Variants in TGM5 observed in about 807,000 individuals in gnomAD.
TGM5 encodes the protein transglutaminase 5, also known as protein-glutamine gamma-glutamyltransferase 5.
TGM5 carries 69 observed loss-of-function variants against 77.2 expected under a neutral mutation model. The observed-to-expected ratio is 0.89, with a 90% confidence interval of 0.74 to 1.09. The LOEUF is 1.09. Among genes scored for constraint, TGM5 ranks in the 50% least tolerant of loss-of-function variants. The pLI is 0.00. For synonymous variants in TGM5, 346 were observed against 351.8 expected (o/e 0.98, Z 0.18); for missense variants, 842 against 896.5 (o/e 0.94, Z 0.78).
chr15:43,266,724 C>T, intron 1 of TGM5, 116 bp downstream of exon 1: 1 of 1,373,428 alleles, frequency 7.3e-7, no homozygotes, highest in South Asian at 1.2e-5. Flanking sequence ...TTTCCTGCCT[C>T]AGTTCTGTAT....
intron 1 of TGM5, among the ~76,000 whole-genome samples, chr15:43,264,860 A>G (rs1402920346): frequency 1.3e-5 from 2 of 152,222 alleles, no homozygotes; most frequent in Non-Finnish European, 2.9e-5. Flanking sequence ...TTTATGTTAA[A>G]TCTCTTTGAG....
intron 9 of TGM5, among the ~76,000 whole-genome samples, chr15:43,236,142 A>G (rs926241026): frequency 3.9e-5 from 6 of 152,210 alleles, no homozygotes; most frequent in Non-Finnish European, 8.8e-5. Context: ...AAGTCACACA[A>G]CTAGTAAGGA....
rs2042720385 is a variant in TGM5, at chr15:43,253,467, C to A, written c.684+39G>T. The A allele has an allele frequency of 1.4e-5, 22 of 1,605,958 alleles. No individual in the cohort carries two copies. In the East Asian group the frequency reaches 4.9e-4, roughly 36 times the overall value. ...CTGTGAGTGGGCAGGGCTCCCGCTG[C>A]ACAGCTTCCTCCCTCCCCGGGCACG... On this transcript the variant is annotated intron_variant, in intron 5 of 12. Coordinates refer to ENST00000220420, the MANE Select transcript of TGM5 (RefSeq NM_201631.4).
intron 2 of TGM5, 32 bp from the exon 3 acceptor site, chr15:43,260,329 G>A (rs372813017): frequency 1.2e-6 from 2 of 1,614,020 alleles, no homozygotes; most frequent in Non-Finnish European, 1.7e-6. Flanking sequence ...GGCCCTCCAT[G>A]GCGACCTCCA....
Position 43,235,587 on chromosome 15 carries a change from C to A in TGM5, c.1596G>T (p.Met532Ile). 1 of 1,614,120 alleles carries A rather than the reference C, an allele frequency of 6.2e-7. No homozygotes were observed. The highest frequency in any genetic ancestry group is 8.5e-7 in the Non-Finnish European group (1 of 1,180,018). ...DICFVLLALN[M>I]SSQFKDLKVN... ...CTTTGAGGTCCTTGAACTGGGAGGACATGTTGAGGGCCAGCAGGACAAAGC... is the reference window on the plus strand; with the variant it reads ...CTTTGAGGTCCTTGAACTGGGAGGAAATGTTGAGGGCCAGCAGGACAAAGC... The change falls in exon 10 of 13, where the codon ATG becomes ATT. Residue 532 changes from methionine to isoleucine, a missense_variant. Met to Ile is a conservative substitution (Grantham distance 10). Around this residue, in one of 2 missense-constraint regions of TGM5, gnomAD observed 815 missense variants for 844.6 expected, o/e 0.96. Transcript: ENST00000220420.
chr15:43,233,459 G>C, intron 12 of TGM5, 95 bp downstream of exon 12: 1 of 1,612,250 alleles, frequency 6.2e-7, no homozygotes, highest in Non-Finnish European at 8.5e-7. Context: ...CTTCCCCGGT[G>C]TTGTGGAGTC....
At chr15:43,262,147 C>A (rs1293457467) in intron 1 of TGM5, among the ~76,000 whole-genome samples, 2 of 152,232 alleles carry the variant, frequency 1.3e-5, no homozygotes, top group Non-Finnish European at 2.9e-5. Flanking sequence ...CAATACCTAC[C>A]TGCTCCATGA....
At position 43,256,686 on chromosome 15, in the gene TGM5, T is replaced by C; in HGVS notation, c.437A>G (p.Glu146Gly). The C allele has an allele frequency of 4.4e-6, 7 of 1,608,012 alleles. No homozygotes were observed. Among genetic ancestry groups the C allele is most frequent in the Non-Finnish European group, 6.0e-6 (7 of 1,174,518 alleles). Residue 146 changes from glutamate (E) to glycine (G), a missense_variant and splice_region_variant, in exon 4 of 13, where the codon GAG becomes GGG. Around this residue, in one of 2 missense-constraint regions of TGM5, gnomAD observed 815 missense variants for 844.6 expected, o/e 0.96. Transcript: ENST00000220420. ...FILLFNPWCP[E>G]DAVYLDSEPQ... ...TTCACTGTCCAAGTAGACAGCATCCTCTAGGAACCAGAGTGGGAGGGCACG... is the reference window on the plus strand; with the variant it reads ...TTCACTGTCCAAGTAGACAGCATCCCCTAGGAACCAGAGTGGGAGGGCACG...
In TGM5 at chr15:43,233,682, T is replaced by A. The variant is rs116495228; in HGVS notation, c.1881A>T (p.Leu627=). 6 of 1,614,120 alleles carry A rather than the reference T, an allele frequency of 3.7e-6. No individual in the cohort carries two copies. In the East Asian group the frequency reaches 1.1e-4, roughly 30 times the overall value. The change falls in exon 12 of 13, where the codon CTA becomes CTT. Residue 627 remains leucine, a synonymous_variant. Coordinates refer to ENST00000220420, the MANE Select transcript of TGM5 (RefSeq NM_201631.4). ...LSYPSITINV[L]GAAVVNQPLS... is the part of the protein sequence containing the mutation. ...GTGGCTGGTTCACAACGGCTGCTCC[T>A]AGAACCTAAACAGACCAGGAGGGGA...
At chr15:43,266,362 A>T (rs900437640) in intron 1 of TGM5, among the ~76,000 whole-genome samples, 10 of 152,344 alleles carry the variant, frequency 6.6e-5, no homozygotes, top group East Asian at 3.9e-4. Flanking sequence ...TGGGAAGATT[A>T]GCTAAGATCA....
intron 9 of TGM5, among the ~76,000 whole-genome samples, chr15:43,238,167 C>A (rs1449305267): frequency 1.3e-5 from 2 of 152,220 alleles, no homozygotes; most frequent in Non-Finnish European, 2.9e-5. Context: ...CCCTGCCTTG[C>A]ACCTGCTCAG....
At chr15:43,243,114 A>G (rs1180626689) in intron 6 of TGM5, among the ~76,000 whole-genome samples, 1 of 152,224 alleles carries the variant, frequency 6.6e-6, no homozygotes, top group Non-Finnish European at 1.5e-5. Flanking sequence ...ACTGGTCCTG[A>G]AGCACTTTGA....
chr15:43,256,757 C>A (rs557823284), intron 3 of TGM5, 71 bp from the exon 4 acceptor site: 143 of 1,154,008 alleles, frequency 1.2e-4, no homozygotes, highest in Admixed American at 9.8e-4. Context: ...CTCATCCCCA[C>A]AGTCCCAGAG....
chr15:43,260,782 CT>C (rs1324057271), intron 1 of TGM5: 2 of 676,004 alleles, frequency 3.0e-6, no homozygotes, highest in Non-Finnish European at 5.3e-6. Context: ...GCGCTTTCCT[CT>C]TTTTTCCTTC....
chr15:43,260,693 C>T, intron 1 of TGM5, 114 bp from the exon 2 acceptor site: 3 of 1,140,258 alleles, frequency 2.6e-6, no homozygotes, highest in Non-Finnish European at 3.9e-6. Flanking sequence ...CCTCAGTTTC[C>T]ATATCAGTAA....
Position 43,260,485 on chromosome 15 carries a change from C to T in TGM5, c.105G>A (p.Arg35=). The part of the protein sequence containing the change: ...EITVDHLLVR[R]GQAFNLTLYF... ...ACAGGGTGAGGTTGAAGGCCTGGCC[C>T]CGGCGAACAAGCAGGTGGTCCACAG... The change falls in exon 2 of 13, where the codon CGG becomes CGA. Residue 35 remains arginine (R), a synonymous_variant. Coordinates refer to ENST00000220420, the MANE Select transcript of TGM5 (RefSeq NM_201631.4). 6.2e-7 allele frequency: 1 copy of T among 1,614,168 alleles called. No individual in the cohort carries two copies. The highest frequency in any genetic ancestry group is 8.5e-7 in the Non-Finnish European group (1 of 1,180,020).
chr15:43,237,353 G>A (rs1163930884), intron 9 of TGM5, among the ~76,000 whole-genome samples: 2 of 152,168 alleles, frequency 1.3e-5, no homozygotes, highest in African/African-American at 4.8e-5. Flanking sequence ...ACATCCCCCA[G>A]GAACAGCCCT....
At chr15:43,261,257 T>C (rs994209022) in intron 1 of TGM5, among the ~76,000 whole-genome samples, 1 of 151,836 alleles carries the variant, frequency 6.6e-6, no homozygotes, top group Non-Finnish European at 1.5e-5. Context: ...GCCTGGCTAA[T>C]TTTTTGTAGT....
At chr15:43,261,290 C>T (rs568971905) in intron 1 of TGM5, among the ~76,000 whole-genome samples, 1 of 151,934 alleles carries the variant, frequency 6.6e-6, no homozygotes, top group South Asian at 2.1e-4. Flanking sequence ...AGGGTTTCAC[C>T]GTGTTAGCGA....
Sources: allele counts gnomAD v4.1 joint callset (sites outside exome capture counted in the v4.1 genomes callset), GRCh38; gene constraint gnomAD v4.1.1; regional missense constraint gnomAD v4.1.1; transcripts MANE v1.5; gene names NCBI Gene and HGNC (gene_info 2026-07-23, HGNC 2026-07-21).